CDH20: variants seen among roughly 807,000 people sequenced by gnomAD.
CDH20 encodes cadherin 20.
In CDH20, 29 loss-of-function variants were observed where a neutral mutation model predicts 74.2. The ratio of observed to expected loss-of-function variants is 0.39; its 90% CI spans 0.29 to 0.53. The LOEUF is 0.53. Ranked by LOEUF, CDH20 falls within the 20% of genes least tolerant of loss-of-function variation. The pLI, the probability that CDH20 is intolerant of heterozygous loss-of-function variation, is 0.69. For synonymous variants in CDH20, 469 were observed against 405.4 expected, an observed-to-expected ratio of 1.16 and a Z score of -1.88; for missense variants, 988 against 1,048.3, an observed-to-expected ratio of 0.94 and a Z score of 0.79.
chr18:61,351,057 T>C (rs964097449), intron 1 of CDH20, among the ~76,000 whole-genome samples: 1 of 152,224 alleles, frequency 6.6e-6, no homozygotes, highest in African/African-American at 2.4e-5. Flanking sequence ...AAGTGAATTC[T>C]TGTAGTTTGA....
intron 6 of CDH20, among the ~76,000 whole-genome samples, chr18:61,516,684 GACACAAACTATTCAAGAGGA>G (rs1429091583): frequency 6.6e-6 from 1 of 151,940 alleles, no homozygotes; most frequent in Non-Finnish European, 1.5e-5. Flanking sequence ...AAATAAAAAG[GACACAAACTATTCAAGAGGA>G]AAAAGCCAAA....
At chr18:61,512,511 T>A (rs1911820489) in intron 6 of CDH20, among the ~76,000 whole-genome samples, 2 of 152,272 alleles carry the variant, frequency 1.3e-5, no homozygotes, top group Non-Finnish European at 2.9e-5. Context: ...ACTTTCTTAT[T>A]TCTTAGTTTA....
At chr18:61,446,106 A>G (rs1385230932) in intron 1 of CDH20, among the ~76,000 whole-genome samples, 1 of 152,190 alleles carries the variant, frequency 6.6e-6, no homozygotes, top group Non-Finnish European at 1.5e-5. Flanking sequence ...CATCATATGC[A>G]TTGCATTTTA....
Position 61,545,116 on chromosome 18 carries a change from C to G in CDH20, c.1620C>G (p.Asn540Lys). ...YYSLAPEAAN[N>K]PNFTIRDNQD... The stretch of plus-strand genomic sequence containing the variant: ...GCTTGGCTCCTGAGGCTGCTAACAA[C>G]CCCAACTTTACCATAAGGGACAACC... Residue 540 changes from asparagine (N) to lysine (K), a missense_variant, in exon 10 of 12, where the codon AAC (asparagine) becomes AAG (lysine). Physicochemically the swap from Asn to Lys is moderately conservative, Grantham distance 94. Transcript: ENST00000262717. 1 of 1,613,196 alleles carries G rather than the reference C, an allele frequency of 6.2e-7. No homozygotes were observed.
At chr18:61,410,966 T>C (rs903542109) in intron 1 of CDH20, among the ~76,000 whole-genome samples, 2 of 152,118 alleles carry the variant, frequency 1.3e-5, no homozygotes, top group African/African-American at 2.4e-5. Context: ...TTTGGGAGGC[T>C]GAGGCGGGCG....
At chr18:61,491,509 C>T (rs1910958753) in intron 2 of CDH20, among the ~76,000 whole-genome samples, 2 of 152,120 alleles carry the variant, frequency 1.3e-5, no homozygotes, top group Non-Finnish European at 1.5e-5. Context: ...AGCACAGAGG[C>T]TGGGAGCATG....
intron 1 of CDH20, among the ~76,000 whole-genome samples, chr18:61,363,227 A>C (rs1374534662): frequency 6.6e-6 from 1 of 152,198 alleles, no homozygotes; most frequent in African/African-American, 2.4e-5. Flanking sequence ...CTCAGGAGCC[A>C]CTTGGGATTC....
rs1193497856 is a variant in CDH20, at chr18:61,554,835, G to A, written c.*140G>A. On this transcript the variant is annotated 3_prime_UTR_variant, in exon 12 of 12. Transcript: ENST00000262717. ...GAGCAGGCGAACAGAGCTCTCTCTG[G>A]ATCAGCTTTACTTGGGTAGATTAAG... 3.5e-6 allele frequency: 5 copies of A among 1,425,678 alleles called. No homozygotes were observed. Among genetic ancestry groups the A allele is most frequent in the Non-Finnish European group, 4.6e-6 (5 of 1,092,942 alleles). The allele number at this position is 1,425,678 out of a possible 1,614,324, so 88.3% of individuals were successfully genotyped here.
At chr18:61,508,027 G>A (rs1911638451) in intron 6 of CDH20, among the ~76,000 whole-genome samples, 1 of 152,138 alleles carries the variant, frequency 6.6e-6, no homozygotes, top group Non-Finnish European at 1.5e-5. Flanking sequence ...AATTAAACTT[G>A]AAAAAGCTTT....
intron 1 of CDH20, among the ~76,000 whole-genome samples, chr18:61,478,793 A>G (rs1006734175): frequency 1.3e-5 from 2 of 152,154 alleles, no homozygotes; most frequent in African/African-American, 4.8e-5. Flanking sequence ...GGGAAGTAAG[A>G]AGACAGCTGA....
intron 1 of CDH20, among the ~76,000 whole-genome samples, chr18:61,461,755 T>TA (rs1484742482): frequency 7.9e-5 from 12 of 152,206 alleles, no homozygotes; most frequent in African/African-American, 2.7e-4. Flanking sequence ...AGAGCCCTGT[T>TA]ACAGAATTTT....
At chr18:61,356,307 A>G (rs1237773977) in intron 1 of CDH20, among the ~76,000 whole-genome samples, 4 of 152,248 alleles carry the variant, frequency 2.6e-5, no homozygotes. Flanking sequence ...TTTTTAAAGC[A>G]CTATACAGTA....
chr18:61,529,255 C>T (rs1781593767), intron 7 of CDH20, among the ~76,000 whole-genome samples: 1 of 152,194 alleles, frequency 6.6e-6, no homozygotes, highest in South Asian at 2.1e-4. Flanking sequence ...GTGCAGATAA[C>T]ACATTTTAAA....
intron 1 of CDH20, among the ~76,000 whole-genome samples, chr18:61,418,382 G>A (rs567974915): frequency 1.4e-4 from 22 of 151,762 alleles, no homozygotes; most frequent in Non-Finnish European, 2.6e-4. Flanking sequence ...GTGAAACCCC[G>A]TCTCTACTAA....
At chr18:61,398,776 G>A (rs1027433198) in intron 1 of CDH20, among the ~76,000 whole-genome samples, 2 of 152,072 alleles carry the variant, frequency 1.3e-5, no homozygotes, top group African/African-American at 4.8e-5. Flanking sequence ...TTGTCAGCAT[G>A]GCCCAGTCAC....
chr18:61,498,749 A>G (rs1302283356), intron 2 of CDH20, among the ~76,000 whole-genome samples: 1 of 152,240 alleles, frequency 6.6e-6, no homozygotes, highest in African/African-American at 2.4e-5. Flanking sequence ...TTGAATTGTC[A>G]TAAAACTGTT....
intron 1 of CDH20, among the ~76,000 whole-genome samples, chr18:61,481,075 A>G (rs759947213): frequency 1.3e-5 from 2 of 152,236 alleles, no homozygotes; most frequent in Non-Finnish European, 2.9e-5. Context: ...TTAAAAATAC[A>G]TTGACAGTTA....
chr18:61,341,922 T>C, intron 1 of CDH20, among the ~76,000 whole-genome samples: 1 of 152,162 alleles, frequency 6.6e-6, no homozygotes, highest in Non-Finnish European at 1.5e-5. Context: ...CTCCATAATA[T>C]TGGGAGCATT....
At chr18:61,335,277 C>T (rs553237253) in intron 1 of CDH20, among the ~76,000 whole-genome samples, 1 of 152,266 alleles carries the variant, frequency 6.6e-6, no homozygotes, top group Non-Finnish European at 1.5e-5. Flanking sequence ...TGAAAGGATT[C>T]AGGTCCTGAC....
Sources: allele counts gnomAD v4.1 joint callset (sites outside exome capture counted in the v4.1 genomes callset), GRCh38; gene constraint gnomAD v4.1.1; transcripts MANE v1.5; gene names NCBI Gene and HGNC (gene_info 2026-07-23, HGNC 2026-07-21).